EXOC2: variants seen among roughly 807,000 people sequenced by gnomAD.
EXOC2 encodes the protein exocyst complex component 2.
Under a neutral mutation model 131.8 loss-of-function variants are expected in EXOC2, and 70 were observed. That is an observed-to-expected ratio of 0.53 (90% CI 0.44 to 0.65). EXOC2 has a LOEUF of 0.65. Ranked by LOEUF, EXOC2 falls within the 30% of genes least tolerant of loss-of-function variation. The pLI is 0.00. For missense variants in EXOC2, 923 were observed against 1,108.6 expected (o/e 0.83, Z 2.38); for synonymous variants, 411 against 398.4 (o/e 1.03, Z -0.38).
chr6:587,858 C>G (rs1366851622), intron 11 of EXOC2, among the ~76,000 whole-genome samples: 1 of 152,138 alleles, frequency 6.6e-6, no homozygotes, highest in East Asian at 1.9e-4. Flanking sequence ...AGGTAATGGT[C>G]ATGGTATTTT....
chr6:516,320 G>A (rs1765163600), intron 23 of EXOC2, among the ~76,000 whole-genome samples: 1 of 152,180 alleles, frequency 6.6e-6, no homozygotes, highest in Non-Finnish European at 1.5e-5. Flanking sequence ...GAAGACAGCT[G>A]CTAGGCCACG....
chr6:622,752 AC>A (rs1438776798), intron 4 of EXOC2, among the ~76,000 whole-genome samples: 3 of 152,242 alleles, frequency 2.0e-5, no homozygotes, highest in Non-Finnish European at 2.9e-5. Context: ...CTAAACAGTT[AC>A]AATGCTTAAA....
At chr6:599,253 A>C (rs1307630413) in intron 7 of EXOC2, 28 bp from the exon 8 acceptor site, 1 of 1,510,118 alleles carries the variant, frequency 6.6e-7, no homozygotes, top group East Asian at 2.3e-5. Flanking sequence ...AAGGAAACTT[A>C]GATGAAAGCT....
At chr6:563,320 G>T (rs1757797655) in intron 16 of EXOC2, among the ~76,000 whole-genome samples, 1 of 152,158 alleles carries the variant, frequency 6.6e-6, no homozygotes, top group Non-Finnish European at 1.5e-5. Context: ...GCAGGCTCAG[G>T]TTCCTAGGTG....
At chr6:533,220 T>G (rs1025245447) in intron 22 of EXOC2, among the ~76,000 whole-genome samples, 5 of 152,182 alleles carry the variant, frequency 3.3e-5, no homozygotes, top group African/African-American at 9.7e-5. Flanking sequence ...ACCATATCAT[T>G]CATTTTTGAA....
rs572501617 is a variant in EXOC2, at chr6:506,738, C to G, written c.2381-7038G>C. Among the ~76,000 whole-genome samples the G allele has an allele frequency of 8.5e-5, 13 of 152,188 alleles. No individual in the cohort carries two copies. The highest frequency in any genetic ancestry group is 3.3e-4 in the Admixed American group (5 of 15,280). On this transcript the variant is annotated intron_variant, in intron 23 of 27. Coordinates refer to ENST00000230449, the MANE Select transcript of EXOC2 (RefSeq NM_018303.6). The surrounding 1 kb of genome is among the most constrained non-coding windows in gnomAD (Gnocchi z 4.4). ...AATTCCCCATGGAGAAAACAAGGCT[C>G]ATCTCTACTGAGCAAGAACTTGTAG... is the stretch of plus-strand genomic sequence containing the variant.
At chr6:487,476 G>A (rs113823291) in intron 27 of EXOC2, among the ~76,000 whole-genome samples, 8 of 151,986 alleles carry the variant, frequency 5.3e-5, no homozygotes, top group East Asian at 1.9e-4. Flanking sequence ...GCGCGATTTC[G>A]GCTCACTGCA....
intron 2 of EXOC2, among the ~76,000 whole-genome samples, chr6:634,969 G>A (rs968382588): frequency 3.9e-5 from 6 of 152,160 alleles, no homozygotes; most frequent in Admixed American, 1.3e-4. Context: ...CAGTCTATAT[G>A]TTTTTTAAAC....
intron 6 of EXOC2, 38 bp from the exon 7 acceptor site, chr6:610,216 A>C (rs1755712906): frequency 6.7e-7 from 1 of 1,496,654 alleles, no homozygotes; most frequent in Admixed American, 1.7e-5. Flanking sequence ...AGGCCATTTT[A>C]ATGGGTGGAG....
intron 21 of EXOC2, among the ~76,000 whole-genome samples, chr6:551,540 G>A (rs749701176): frequency 6.6e-6 from 1 of 152,200 alleles, no homozygotes. Flanking sequence ...GCGTCACAGG[G>A]AGTCCAGGGC....
chr6:541,668 C>A (rs6904638), intron 22 of EXOC2, among the ~76,000 whole-genome samples: 1 of 151,884 alleles, frequency 6.6e-6, no homozygotes, highest in Non-Finnish European at 1.5e-5. Flanking sequence ...CAATTTTACG[C>A]CAACAGATTT....
intron 1 of EXOC2, among the ~76,000 whole-genome samples, chr6:653,326 T>C: frequency 6.6e-6 from 1 of 152,234 alleles, no homozygotes; most frequent in Non-Finnish European, 1.5e-5. Context: ...AGCCAGGCCT[T>C]CTTGTGGCAA....
chr6:676,148 A>G (rs1581673614), intron 1 of EXOC2, among the ~76,000 whole-genome samples: 1 of 54,616 alleles, frequency 1.8e-5, no homozygotes, highest in Non-Finnish European at 4.0e-5. Context: ...GGTTCCCCAT[A>G]CTCTTCAACA....
At chr6:683,857 G>A (rs1038117093) in intron 1 of EXOC2, among the ~76,000 whole-genome samples, 14 of 152,224 alleles carry the variant, frequency 9.2e-5, no homozygotes, top group African/African-American at 2.9e-4. Context: ...ACATTTCTGA[G>A]CCGTGAGGGA....
chr6:595,397 T>C (rs1041496658), intron 10 of EXOC2, among the ~76,000 whole-genome samples: 3 of 152,064 alleles, frequency 2.0e-5, no homozygotes, highest in Non-Finnish European at 2.9e-5. Flanking sequence ...AAAAATTTCA[T>C]TTAAAAAGGT....
chr6:672,778 G>T (rs1295553464), intron 1 of EXOC2, among the ~76,000 whole-genome samples: 1 of 152,168 alleles, frequency 6.6e-6, no homozygotes, highest in Admixed American at 6.5e-5. Context: ...TTTCCTTATT[G>T]TGAGGATTCG....
At chr6:530,298 A>G (rs1006471392) in intron 23 of EXOC2, among the ~76,000 whole-genome samples, 1 of 152,238 alleles carries the variant, frequency 6.6e-6, no homozygotes, top group Admixed American at 6.5e-5. Flanking sequence ...GAGATGGTAT[A>G]TTATTATAGA....
chr6:654,413 GT>G (rs1762963669), intron 1 of EXOC2, among the ~76,000 whole-genome samples: 2 of 152,164 alleles, frequency 1.3e-5, no homozygotes, highest in African/African-American at 4.8e-5. Context: ...TAAAAAAGAA[GT>G]TGATTCCAAC....
At chr6:493,036 A>G (rs1763526754) in intron 25 of EXOC2, among the ~76,000 whole-genome samples, 2 of 152,232 alleles carry the variant, frequency 1.3e-5, no homozygotes, top group South Asian at 4.1e-4. Flanking sequence ...TGATAACTTG[A>G]TGTTCTGAAG....
Sources: allele counts gnomAD v4.1 joint callset (sites outside exome capture counted in the v4.1 genomes callset), GRCh38; gene constraint gnomAD v4.1.1; non-coding constraint Gnocchi (gnomAD v3.1); transcripts MANE v1.5; gene names NCBI Gene and HGNC (gene_info 2026-07-23, HGNC 2026-07-21).